The following TRAPPC9 variants were observed in gnomAD, a reference collection of about 807,000 sequenced individuals.
TRAPPC9 encodes the protein trafficking protein particle complex subunit 9, also known as IKK2 binding protein.
Under a neutral mutation model 124.0 loss-of-function variants are expected in TRAPPC9, and 83 were observed. That is an observed-to-expected ratio of 0.67 (90% CI 0.56 to 0.80). TRAPPC9 has a LOEUF of 0.80. Ranked by LOEUF, TRAPPC9 falls within the 30% of genes least tolerant of loss-of-function variation. The pLI, the probability that TRAPPC9 is intolerant of heterozygous loss-of-function variation, is 0.00. For synonymous variants in TRAPPC9, 638 were observed against 617.5 expected, an observed-to-expected ratio of 1.03 and a Z score of -0.49; for missense variants, 1,302 against 1,508.3, an observed-to-expected ratio of 0.86 and a Z score of 2.27.
chr8:139,740,737 T>C (rs1198661638), intron 21 of TRAPPC9, among the ~76,000 whole-genome samples: 4 of 152,176 alleles, frequency 2.6e-5, no homozygotes, highest in African/African-American at 9.6e-5. Context: ...GCTCAGGTGC[T>C]CCATGGGGAC....
At chr8:140,406,661 G>GGA in intron 5 of TRAPPC9, among the ~76,000 whole-genome samples, 1 of 152,312 alleles carries the variant, frequency 6.6e-6, no homozygotes, top group East Asian at 1.9e-4. Flanking sequence ...ACAGGTAAGT[G>GGA]GAGAGATGGA....
At position 139,763,937 on chromosome 8, in the gene TRAPPC9, G is replaced by A. The variant is rs140337746; in HGVS notation, c.3056-31735C>T. Among the ~76,000 whole-genome samples the A allele has an allele frequency of 1.3e-3, 192 of 152,342 alleles. 1 individual carries two copies. Among genetic ancestry groups the A allele is most frequent in the African/African-American group, 4.3e-3 (180 of 41,580 alleles). On this transcript the variant is annotated intron_variant, in intron 21 of 22. Coordinates refer to ENST00000438773, the MANE Select transcript of TRAPPC9 (RefSeq NM_001160372.4). ...GGGACACCGAGGAGGACTAGGACTC[G>A]GGAGGTTAGCAGTATCGAGCATTTG...
chr8:140,102,658 G>C (rs191504051), intron 17 of TRAPPC9, among the ~76,000 whole-genome samples: 1 of 152,220 alleles, frequency 6.6e-6, no homozygotes, highest in South Asian at 2.1e-4. Flanking sequence ...CTTCTGATTA[G>C]AGTAGGTTGA....
intron 21 of TRAPPC9, among the ~76,000 whole-genome samples, chr8:139,818,527 G>C (rs923749102): frequency 6.6e-5 from 10 of 151,890 alleles, no homozygotes; most frequent in African/African-American, 2.4e-4. Context: ...AGTGAGCTGA[G>C]ATCACGCCAC....
chr8:140,283,783 TG>T, intron 14 of TRAPPC9, 105 bp downstream of exon 14: 3 of 1,213,020 alleles, frequency 2.5e-6, no homozygotes, highest in Non-Finnish European at 3.6e-6. Flanking sequence ...ACCTATATTC[TG>T]GTCATAAGAA....
chr8:139,893,127 T>C (rs2131166598), intron 20 of TRAPPC9, among the ~76,000 whole-genome samples: 1 of 152,362 alleles, frequency 6.6e-6, no homozygotes, highest in East Asian at 1.9e-4. Flanking sequence ...CTCGTAGCCC[T>C]GGTGAGGGGC....
chr8:140,280,148 T>G (rs577640889), intron 14 of TRAPPC9, among the ~76,000 whole-genome samples: 1 of 152,208 alleles, frequency 6.6e-6, no homozygotes, highest in Non-Finnish European at 1.5e-5. Flanking sequence ...GGTGCCACAG[T>G]TCTACGGACA....
At chr8:140,278,442 C>T (rs2065195728) in intron 14 of TRAPPC9, among the ~76,000 whole-genome samples, 1 of 152,184 alleles carries the variant, frequency 6.6e-6, no homozygotes, top group African/African-American at 2.4e-5. Flanking sequence ...CAGCTCCTAC[C>T]CAGCCAGGCA....
At chr8:139,780,284 G>A (rs553223820) in intron 21 of TRAPPC9, among the ~76,000 whole-genome samples, 1 of 152,228 alleles carries the variant, frequency 6.6e-6, no homozygotes, top group African/African-American at 2.4e-5. Context: ...CAGTAATGAA[G>A]ACAATGTGGT....
chr8:139,787,815 C>A (rs1822376752), intron 21 of TRAPPC9, among the ~76,000 whole-genome samples: 1 of 152,140 alleles, frequency 6.6e-6, no homozygotes, highest in South Asian at 2.1e-4. Flanking sequence ...AAGACGGCTC[C>A]CAGGGGTGTG....
intron 17 of TRAPPC9, among the ~76,000 whole-genome samples, chr8:140,078,918 C>T (rs1843656480): frequency 6.6e-6 from 1 of 152,146 alleles, no homozygotes; most frequent in Admixed American, 6.5e-5. Flanking sequence ...TACAGCTTTC[C>T]AGTGATATGG....
At chr8:140,195,298 ACACT>A (rs1237813504) in intron 17 of TRAPPC9, among the ~76,000 whole-genome samples, 1 of 152,094 alleles carries the variant, frequency 6.6e-6, no homozygotes, top group African/African-American at 2.4e-5. Flanking sequence ...ACACCAAAAC[ACACT>A]CAACGATCCA....
chr8:139,896,126 T>C (rs1830652759), intron 20 of TRAPPC9, among the ~76,000 whole-genome samples: 1 of 152,260 alleles, frequency 6.6e-6, no homozygotes, highest in African/African-American at 2.4e-5. Context: ...CATATCCGAC[T>C]TCCTTTCAGC....
chr8:140,318,323 C>T (rs149753151), intron 9 of TRAPPC9, among the ~76,000 whole-genome samples: 16 of 152,216 alleles, frequency 1.1e-4, no homozygotes, highest in African/African-American at 2.6e-4. Flanking sequence ...TGTGAAATGA[C>T]GAAATCAAGC....
chr8:140,012,921 A>G (rs1839226154), intron 18 of TRAPPC9, among the ~76,000 whole-genome samples: 1 of 152,122 alleles, frequency 6.6e-6, no homozygotes, highest in South Asian at 2.1e-4. Flanking sequence ...AAGGAAGCAA[A>G]GGGGTTACAG....
chr8:140,274,336 C>A (rs746448648), intron 15 of TRAPPC9, among the ~76,000 whole-genome samples: 1 of 152,188 alleles, frequency 6.6e-6, no homozygotes, highest in Non-Finnish European at 1.5e-5. Flanking sequence ...CTGGGCACAC[C>A]CGGCCCTCCT....
chr8:140,415,169 A>T (rs2069872228), intron 5 of TRAPPC9, among the ~76,000 whole-genome samples: 2 of 152,174 alleles, frequency 1.3e-5, no homozygotes, highest in Non-Finnish European at 2.9e-5. Flanking sequence ...TGTAATCGCC[A>T]CTGCACTCCA....
chr8:140,027,674 T>C (rs776932214), intron 17 of TRAPPC9, among the ~76,000 whole-genome samples: 20 of 152,168 alleles, frequency 1.3e-4, no homozygotes, highest in Non-Finnish European at 2.6e-4. Context: ...CACACTACTA[T>C]AAAGAACTGC....
chr8:139,871,794 TGTGGGTGGGTAG>T (rs1261655096), intron 21 of TRAPPC9, among the ~76,000 whole-genome samples: 1 of 152,062 alleles, frequency 6.6e-6, no homozygotes, highest in African/African-American at 2.4e-5. Flanking sequence ...TGGACGAATA[TGTGGGTGGGTAG>T]GTGGGTGGAT....
Sources: gnomAD v4.1 joint callset for allele counts (sites outside exome capture counted in the v4.1 genomes callset) on GRCh38, gnomAD v4.1.1 for gene constraint, MANE v1.5 for transcripts, NCBI Gene and HGNC (gene_info 2026-07-23, HGNC 2026-07-21) for gene names.